TFRC: variants seen among roughly 807,000 people sequenced by gnomAD.
TFRC encodes the protein transferrin receptor protein 1.
TFRC carries 35 observed loss-of-function variants against 85.8 expected under a neutral mutation model. The observed-to-expected ratio is 0.41, with a 90% CI of 0.31 to 0.54. TFRC has a LOEUF of 0.54. TFRC is among the 20% of genes least tolerant of loss of function. The pLI, the probability that TFRC is intolerant of heterozygous loss-of-function variation, is 0.31. For missense variants in TFRC, 828 were observed against 921.5 expected (o/e 0.90, Z 1.31); for synonymous variants, 362 against 328.6 (o/e 1.10, Z -1.10).
At chr3:196,074,360 C>T (rs1055581293) in intron 3 of TFRC, 16 of 346,904 alleles carry the variant, frequency 4.6e-5, no homozygotes, top group South Asian at 4.4e-4. Flanking sequence ...TTCCAAAAGA[C>T]CCCCTTGAAA....
chr3:196,055,661 T>G (rs934415517), intron 16 of TFRC: 1 of 310,206 alleles, frequency 3.2e-6, no homozygotes, highest in African/African-American at 2.1e-5. Context: ...GAAACATACC[T>G]TGAGACGAGG....
chr3:196,064,535 G>A (rs1717556695), intron 10 of TFRC, 107 bp from the exon 11 acceptor site: 1 of 990,796 alleles, frequency 1.0e-6, no homozygotes, highest in Non-Finnish European at 1.3e-6. Context: ...ATGTATTAAG[G>A]ATAAAAGAGC....
In TFRC at chr3:196,071,447, C is replaced by CTGT; in HGVS notation, c.635_636insACA (p.Leu212_Val213insGln). On this transcript the variant is annotated inframe_insertion, in exon 6 of 19. Coordinates refer to ENST00000360110, the MANE Select transcript of TFRC (RefSeq NM_001128148.3). ...CCACATAACCCCCAGGATTCTCCAC[C>CTGT]AGGTAAACAAGTCTACCGTTCTTAT... The CTGT allele has an allele frequency of 6.2e-7, 1 of 1,614,118 alleles. No individual in the cohort carries two copies. Among genetic ancestry groups the CTGT allele is most frequent in the Non-Finnish European group, 8.5e-7 (1 of 1,180,002 alleles).
chr3:196,068,836 C>G (rs1304553021), intron 7 of TFRC, among the ~76,000 whole-genome samples: 1 of 147,216 alleles, frequency 6.8e-6, no homozygotes, highest in Admixed American at 7.0e-5. Context: ...AAGGCTGAGG[C>G]AGGAGCATCA....
chr3:196,065,475 A>G lies in TFRC; in HGVS notation c.1166T>C (p.Ile389Thr). The G allele has an allele frequency of 1.3e-6, 2 of 1,497,678 alleles. No homozygotes were observed. The highest frequency in any genetic ancestry group is 1.8e-6 in the Non-Finnish European group (2 of 1,108,062). The allele number at this position is 1,497,678 out of a possible 1,614,324, so 92.8% of individuals were successfully genotyped here. A position where few individuals can be genotyped will look rare whatever the true frequency, so the allele number is the denominator to read the frequency against. Residue 389 changes from isoleucine (I) to threonine (T), a missense_variant, in exon 10 of 19, where the codon ATC becomes ACC. By Grantham distance (89) the Ile-to-Thr change is moderately conservative. Transcript: ENST00000360110. ...TACAAAGCCTTTAATAACTCCAAAG[A>G]TGTTAAGAATTTTTATCTCTTTCAG... Reference protein sequence around the residue: ...NVLKEIKILNIFGVIKGFVEP... With the variant: ...NVLKEIKILNTFGVIKGFVEP...
chr3:196,060,119 T>C, intron 14 of TFRC, 61 bp downstream of exon 14: 2 of 1,368,442 alleles, frequency 1.5e-6, no homozygotes, highest in Non-Finnish European at 1.0e-6. Flanking sequence ...CAGTGTTTTT[T>C]ATCTCAGGTT....
chr3:196,052,287 T>G (rs1716388384), intron 18 of TFRC, 103 bp from the exon 19 acceptor site: 2 of 880,764 alleles, frequency 2.3e-6, no homozygotes, highest in Admixed American at 6.3e-5. Context: ...AGAATGCCGA[T>G]CAGACTTTTT....
In TFRC at chr3:196,070,807, T is replaced by TAATAAA. The variant is rs978226944; in HGVS notation, c.687+588_687+589insTTTATT. On this transcript the variant is annotated intron_variant, in intron 6 of 18. Coordinates refer to ENST00000360110, the MANE Select transcript of TFRC (RefSeq NM_001128148.3). ...ATAATAATAATAATAATAATAATAA[T>TAATAAA]AAAATAAAAAATAAAAATTAACTGG... 5.0e-3 allele frequency among the ~76,000 whole-genome samples: 725 copies of TAATAAA among 144,538 alleles called. 4 individuals are homozygous for TAATAAA. Among genetic ancestry groups the TAATAAA allele is most frequent in the Non-Finnish European group, 7.4e-3 (491 of 66,376 alleles). 94.8% of individuals were successfully genotyped at this position (144,538 alleles called of 152,430 possible).
chr3:196,077,252 C>A, intron 1 of TFRC, 130 bp from the exon 2 acceptor site: 1 of 607,202 alleles, frequency 1.6e-6, no homozygotes, highest in Non-Finnish European at 2.9e-6. Context: ...AGGTATTTAA[C>A]CATAGTTTAC....
At chr3:196,076,829 G>A (rs945372949) in intron 2 of TFRC, among the ~76,000 whole-genome samples, 1 of 152,058 alleles carries the variant, frequency 6.6e-6, no homozygotes, top group Non-Finnish European at 1.5e-5. Context: ...CTACTAAGCT[G>A]TCCCCGTCTA....
rs758198646 is a variant in TFRC at position 196,051,992 on chromosome 3, C to T, written c.2233G>A (p.Ala745Thr). ...ACGTCACCAGAGAGGGCATTTGCAG[C>T]TCCCTGAATAGTCCAAGTAGCTAGA... is the stretch of plus-strand genomic sequence containing the variant. The part of the protein sequence containing the change: ...LALATWTIQG[A>T]ANALSGDVWD... The change falls in exon 19 of 19, where the codon GCT becomes ACT. Residue 745 changes from alanine to threonine, a missense_variant. Physicochemically the swap from Ala to Thr is moderately conservative, Grantham distance 58. Coordinates refer to ENST00000360110, the MANE Select transcript of TFRC (RefSeq NM_001128148.3). 1 of 1,614,184 alleles carries T rather than the reference C, an allele frequency of 6.2e-7. No homozygotes were observed. Among genetic ancestry groups the T allele is most frequent in the Non-Finnish European group, 8.5e-7 (1 of 1,180,038 alleles).
intron 17 of TFRC, 100 bp from the exon 18 acceptor site, chr3:196,053,658 G>A: frequency 6.8e-7 from 1 of 1,472,078 alleles, no homozygotes; most frequent in Non-Finnish European, 9.3e-7. Flanking sequence ...TCTGATAAAA[G>A]GAACTCGCAG....
chr3:196,058,387 CT>C (rs1716994700), intron 15 of TFRC, 22 bp from the exon 16 acceptor site: 3 of 1,607,462 alleles, frequency 1.9e-6, no homozygotes, highest in Non-Finnish European at 2.6e-6. Flanking sequence ...AAGAATGTGT[CT>C]TTAGAAAGTG....
In TFRC at chr3:196,050,494, T is replaced by G. The variant is rs1332236353; in HGVS notation, c.*1448A>C. The G allele has an allele frequency of 4.9e-6, 1 of 204,620 alleles. No homozygotes were observed. The highest frequency in any genetic ancestry group is 2.3e-5 in the African/African-American group (1 of 43,722). 12.7% of individuals were successfully genotyped at this position (204,620 alleles called of 1,614,324 possible). On this transcript the variant is annotated 3_prime_UTR_variant, in exon 19 of 19. Coordinates refer to ENST00000360110, the MANE Select transcript of TFRC (RefSeq NM_001128148.3). ...GGGAAACACTGTTCCCGATAATTAC[T>G]TACACCCTTAGTGTAACATATGGAG...
intron 16 of TFRC, among the ~76,000 whole-genome samples, chr3:196,056,290 A>G (rs567923503): frequency 3.3e-5 from 5 of 152,198 alleles, no homozygotes; most frequent in Non-Finnish European, 5.9e-5. Context: ...CAGCCACCCA[A>G]TGTGCCGGAA....
At chr3:196,070,809 A>ATAATAATAATAATAG (rs1553797739) in intron 6 of TFRC, among the ~76,000 whole-genome samples, 5 of 130,642 alleles carry the variant, frequency 3.8e-5, no homozygotes, top group Non-Finnish European at 5.2e-5. Flanking sequence ...AATAATAATA[A>ATAATAATAATAATAG]AATAAAAAAT....
intron 10 of TFRC, 128 bp downstream of exon 10, chr3:196,065,315 G>A (rs1293891693): frequency 1.3e-5 from 7 of 524,128 alleles, no homozygotes; most frequent in Non-Finnish European, 2.3e-5. Context: ...GGACAGACAA[G>A]ATTGAGCACT....
chr3:196,050,520 A>AT lies in TFRC; in HGVS notation c.*1421dup. The AT allele has an allele frequency of 4.9e-6, 1 of 204,648 alleles. No homozygotes were observed. Among genetic ancestry groups the AT allele is most frequent in the Non-Finnish European group, 1.0e-5 (1 of 99,616 alleles). 12.7% of individuals were successfully genotyped at this position (204,648 alleles called of 1,614,324 possible). A position where few individuals can be genotyped will look rare whatever the true frequency, so the allele number is the denominator to read the frequency against. ...TACACCCTTAGTGTAACATATGGAG[A>AT]TCACTGTCTCCGATACAGACACTGT... On this transcript the variant is annotated 3_prime_UTR_variant, in exon 19 of 19. Coordinates refer to ENST00000360110, the MANE Select transcript of TFRC (RefSeq NM_001128148.3).
Position 196,075,258 on chromosome 3 carries a change from T to C in TFRC, c.139A>G (p.Asn47Asp), listed in dbSNP as rs199637290. 19 of 1,614,166 alleles carry C rather than the reference T, an allele frequency of 1.2e-5. No individual in the cohort carries two copies. In the East Asian group the frequency reaches 4.0e-4, roughly 34 times the overall value. Residue 47 changes from asparagine to aspartate, a missense_variant, in exon 3 of 19, where the codon AAT becomes GAT. By Grantham distance (23) the Asn-to-Asp change is conservative. Transcript: ENST00000360110. ...EMKLAVDEEE[N>D]ADNNTKANVT... is the part of the protein sequence containing the mutation. ...TTGGCCTTTGTGTTATTGTCAGCAT[T>C]TTCTTCTTCATCTACAGCAAGTTTC...
Sources: allele counts gnomAD v4.1 joint callset (sites outside exome capture counted in the v4.1 genomes callset), GRCh38; gene constraint gnomAD v4.1.1; transcripts MANE v1.5; gene names NCBI Gene and HGNC (gene_info 2026-07-23, HGNC 2026-07-21).